XPR1: variants seen among roughly 807,000 people sequenced by gnomAD.
The protein encoded by XPR1 is solute carrier family 53 member 1.
Under a neutral mutation model 87.5 loss-of-function variants are expected in XPR1, and 28 were observed. The ratio of observed to expected loss-of-function variants is 0.32; its 90% confidence interval spans 0.24 to 0.44. The LOEUF is 0.44. Among genes scored for constraint, XPR1 ranks in the 20% least tolerant of loss-of-function variants. The pLI is 1.00. For synonymous variants in XPR1, 300 were observed against 306.1 expected, an observed-to-expected ratio of 0.98 and a Z score of 0.21; for missense variants, 559 against 862.3, an observed-to-expected ratio of 0.65 and a Z score of 4.41.
chr1:180,637,356 C>T (rs1258137833), intron 1 of XPR1, among the ~76,000 whole-genome samples: 1 of 152,036 alleles, frequency 6.6e-6, no homozygotes, highest in East Asian at 1.9e-4. Context: ...ATAGACATGT[C>T]TTAAAAAGAC....
At chr1:180,809,211 A>G (rs1401062074) in intron 6 of XPR1, among the ~76,000 whole-genome samples, 1 of 152,146 alleles carries the variant, frequency 6.6e-6, no homozygotes, top group African/African-American at 2.4e-5. Flanking sequence ...AATGCAAACT[A>G]ATAAATAGTG....
At chr1:180,821,008 T>G (rs1347159948) in intron 7 of XPR1, among the ~76,000 whole-genome samples, 1 of 65,198 alleles carries the variant, frequency 1.5e-5, no homozygotes, top group Non-Finnish European at 3.9e-5. Context: ...ATTCCTCCCT[T>G]TTTTTTTTTA....
chr1:180,636,104 T>C (rs1417628028), intron 1 of XPR1, among the ~76,000 whole-genome samples: 1 of 152,238 alleles, frequency 6.6e-6, no homozygotes, highest in Non-Finnish European at 1.5e-5. Context: ...CTGCATGAAC[T>C]ACACTTCCAT....
At chr1:180,721,690 A>G (rs574090759) in intron 2 of XPR1, among the ~76,000 whole-genome samples, 18 of 152,284 alleles carry the variant, frequency 1.2e-4, no homozygotes, top group Admixed American at 9.2e-4. Context: ...GCCACCCTTG[A>G]GATGGCAAGA....
In XPR1 at chr1:180,887,906, G is replaced by A. The variant is rs186776161; in HGVS notation, c.*3840G>A. The A allele has an allele frequency of 1.2e-4, 19 of 152,170 alleles. No homozygotes were observed. The highest frequency in any genetic ancestry group is 4.3e-4 in the African/African-American group (18 of 41,430). The allele number at this position is 152,170 out of a possible 1,614,324, so 9.4% of individuals were successfully genotyped here. A position where few individuals can be genotyped will look rare whatever the true frequency, so the allele number is the denominator to read the frequency against. The stretch of plus-strand genomic sequence containing the variant: ...ATCCATTTCTGGATAGGTGAACTAC[G>A]GCAAGGTAAGAACAGAAAAAAGTAA... On this transcript the variant is annotated 3_prime_UTR_variant, in exon 15 of 15. Coordinates refer to ENST00000367590, the MANE Select transcript of XPR1 (RefSeq NM_004736.4).
chr1:180,695,161 T>C (rs983895422), intron 2 of XPR1, among the ~76,000 whole-genome samples: 1 of 152,182 alleles, frequency 6.6e-6, no homozygotes, highest in Non-Finnish European at 1.5e-5. Flanking sequence ...TTGAGCACTT[T>C]TTTCATATAC....
rs974471852 is a variant in XPR1, at chr1:180,771,282, GT to G, written c.122-16461del. On this transcript the variant is annotated intron_variant, in intron 2 of 14. Coordinates refer to ENST00000367590, the MANE Select transcript of XPR1 (RefSeq NM_004736.4). ...CATTCTCTTGATTAAGTTTGAATTG[GT>G]TTTTTTTTTAATTTGTCTTTAGGCC... is the stretch of plus-strand genomic sequence containing the variant. 1.2e-4 allele frequency among the ~76,000 whole-genome samples: 18 copies of G among 148,830 alleles called. 1 individual carries two copies. In the South Asian group the frequency reaches 1.3e-3, roughly 11 times the overall value.
chr1:180,724,688 A>G (rs544678277), intron 2 of XPR1, among the ~76,000 whole-genome samples: 4 of 152,314 alleles, frequency 2.6e-5, no homozygotes, highest in African/African-American at 9.6e-5. Context: ...TTGAAGCACA[A>G]CAATGACCAG....
chr1:180,714,541 G>T (rs1657923495), intron 2 of XPR1, among the ~76,000 whole-genome samples: 1 of 151,726 alleles, frequency 6.6e-6, no homozygotes, highest in Non-Finnish European at 1.5e-5. Context: ...AATAATTGGG[G>T]CTACAGACGC....
At chr1:180,653,090 C>T (rs914485051) in intron 1 of XPR1, among the ~76,000 whole-genome samples, 18 of 152,140 alleles carry the variant, frequency 1.2e-4, no homozygotes, top group Non-Finnish European at 4.4e-5. Context: ...GCTAGCTTAC[C>T]CCTAAGTGGG....
chr1:180,714,930 C>G (rs1279059955), intron 2 of XPR1, among the ~76,000 whole-genome samples: 2 of 152,032 alleles, frequency 1.3e-5, no homozygotes, highest in Admixed American at 1.3e-4. Flanking sequence ...GAAAGAATAG[C>G]TGATATTCTG....
intron 11 of XPR1, among the ~76,000 whole-genome samples, chr1:180,843,222 A>G (rs1260560280): frequency 6.6e-6 from 1 of 152,154 alleles, no homozygotes. Context: ...TAGTCTTCTT[A>G]TGCTATAATA....
intron 2 of XPR1, among the ~76,000 whole-genome samples, chr1:180,689,747 A>T (rs1426514741): frequency 6.6e-6 from 1 of 152,204 alleles, no homozygotes; most frequent in Non-Finnish European, 1.5e-5. Context: ...GATTGCGACA[A>T]ATGTACCATA....
chr1:180,879,543 C>G (rs1384211607), intron 13 of XPR1, among the ~76,000 whole-genome samples: 1 of 152,086 alleles, frequency 6.6e-6, no homozygotes, highest in Non-Finnish European at 1.5e-5. Flanking sequence ...GCCTGGGATG[C>G]TTTCCTCCAG....
intron 12 of XPR1, among the ~76,000 whole-genome samples, chr1:180,865,469 C>T (rs990725832): frequency 1.7e-4 from 25 of 150,822 alleles, no homozygotes; most frequent in Non-Finnish European, 3.1e-4. Context: ...GGCACGATCT[C>T]GGCTCACTGC....
rs527774842 is a variant in XPR1 at position 180,760,697 on chromosome 1, A to G, written c.122-27056A>G. On this transcript the variant is annotated intron_variant, in intron 2 of 14. Transcript: ENST00000367590. ...GAAAATGGCCATACTGCCCAAGGTA[A>G]TTTATAGATTCAATCCCATCACCAT... is the stretch of plus-strand genomic sequence containing the variant. Among the ~76,000 whole-genome samples, 43 of 152,306 alleles carry G rather than the reference A, an allele frequency of 2.8e-4. 1 individual carries two copies. In the South Asian group the frequency reaches 4.8e-3, roughly 17 times the overall value.
chr1:180,678,698 G>A (rs943748414), intron 1 of XPR1, among the ~76,000 whole-genome samples: 4 of 152,020 alleles, frequency 2.6e-5, no homozygotes, highest in Non-Finnish European at 5.9e-5. Flanking sequence ...AATTTCTGTT[G>A]TTTCATTGGA....
At chr1:180,678,598 A>G (rs1465149964) in intron 1 of XPR1, among the ~76,000 whole-genome samples, 9 of 152,242 alleles carry the variant, frequency 5.9e-5, no homozygotes, top group Admixed American at 5.9e-4. Flanking sequence ...AAATTTTTGT[A>G]CATCATACAT....
chr1:180,818,935 C>T (rs1425569469), intron 7 of XPR1, among the ~76,000 whole-genome samples: 1 of 151,946 alleles, frequency 6.6e-6, no homozygotes, highest in Admixed American at 6.6e-5. Flanking sequence ...GTTAAAATTG[C>T]CTTTTGCTTT....
Sources: gnomAD v4.1 joint callset for allele counts (sites outside exome capture counted in the v4.1 genomes callset) on GRCh38, gnomAD v4.1.1 for gene constraint, MANE v1.5 for transcripts, NCBI Gene and HGNC (gene_info 2026-07-23, HGNC 2026-07-21) for gene names.